CC2D1A: variants seen among roughly 807,000 people sequenced by gnomAD.
CC2D1A encodes coiled-coil and C2 domain containing 1A, also known as coiled-coil and C2 domain-containing protein 1A.
In CC2D1A, 68 loss-of-function variants were observed where a neutral mutation model predicts 123.8. The observed-to-expected ratio is 0.55, with a 90% confidence interval of 0.45 to 0.67. The LOEUF is 0.67. CC2D1A is among the 30% of genes least tolerant of loss of function. The pLI is 0.00. For synonymous variants in CC2D1A, 477 were observed against 528.0 expected (o/e 0.90, Z 1.32); for missense variants, 1,185 against 1,290.3 (o/e 0.92, Z 1.25).
intron 9 of CC2D1A, 39 bp from the exon 10 acceptor site, chr19:13,918,873 A>T (rs1971302355): frequency 6.2e-7 from 1 of 1,608,350 alleles, no homozygotes; most frequent in South Asian, 1.1e-5. Flanking sequence ...CTGTCTACCC[A>T]TCCGTTGACT....
At position 13,919,826 on chromosome 19, in the gene CC2D1A, C is replaced by G. The variant is rs780491820; in HGVS notation, c.1231C>G (p.Pro411Ala). The change falls in exon 12 of 29, where the codon CCA (proline) becomes GCA (alanine). Residue 411 changes from proline to alanine, a missense_variant. Transcript: ENST00000318003. ...CTCGACTGGCCACCCAGGCTTCCCC[C>G]CAATCCAGGGCCTGGAGGCCACCAA... Reference protein sequence around the residue: ...AELPVPPGFPPIQGLEATKPT... With the variant: ...AELPVPPGFPAIQGLEATKPT... 1 of 1,602,346 alleles carries G rather than the reference C, an allele frequency of 6.2e-7. No individual in the cohort carries two copies. Among genetic ancestry groups the G allele is most frequent in the Non-Finnish European group, 8.5e-7 (1 of 1,172,326 alleles).
At chr19:13,920,432 G>A (rs1971369737) in intron 12 of CC2D1A, 125 bp from the exon 13 acceptor site, 2 of 691,558 alleles carry the variant, frequency 2.9e-6, no homozygotes, top group African/African-American at 1.8e-5. Flanking sequence ...AGTGAGGCAG[G>A]GGAGTAGCAA....
At chr19:13,915,391 G>A (rs1166763128) in intron 6 of CC2D1A, among the ~76,000 whole-genome samples, 2 of 152,026 alleles carry the variant, frequency 1.3e-5, no homozygotes, top group African/African-American at 2.4e-5. Context: ...GATTACAAGC[G>A]CCCACCACCA....
chr19:13,916,955 GTAAC>G (rs1971228209), intron 6 of CC2D1A, among the ~76,000 whole-genome samples: 1 of 152,158 alleles, frequency 6.6e-6, no homozygotes, highest in South Asian at 2.1e-4. Context: ...ATTTGAAACT[GTAAC>G]TAACACACTG....
Position 13,923,878 on chromosome 19 carries a change from G to A in CC2D1A, c.1940+67G>A. 1.7e-6 allele frequency: 2 copies of A among 1,188,546 alleles called. No homozygotes were observed. The highest frequency in any genetic ancestry group is 2.5e-6 in the Non-Finnish European group (2 of 799,666). 73.6% of individuals were successfully genotyped at this position (1,188,546 alleles called of 1,614,324 possible). A position where few individuals can be genotyped will look rare whatever the true frequency, so the allele number is the denominator to read the frequency against. ...CCCTTTGGTGGCGGTGGGGCGGGTT[G>A]TGCTCCCCAGAAGCTGGCACAAGAT... is the stretch of plus-strand genomic sequence containing the variant. On this transcript the variant is annotated intron_variant, in intron 17 of 28. Transcript: ENST00000318003. This position sits in a 1 kb window ranked among gnomAD's most constrained non-coding sequence, Gnocchi z 5.3.
intron 4 of CC2D1A, 36 bp downstream of exon 4, chr19:13,912,629 A>G (rs1396549301): frequency 1.2e-6 from 2 of 1,605,440 alleles, no homozygotes; most frequent in Non-Finnish European, 1.7e-6. Context: ...TTGAACCACA[A>G]CCCAACGGAC....
At position 13,920,484 on chromosome 19, in the gene CC2D1A, G is replaced by A. The variant is rs117127097; in HGVS notation, c.1357-73G>A. 3,791 of 910,634 alleles carry A rather than the reference G, an allele frequency of 4.2e-3. 17 individuals carry two copies. The highest frequency in any genetic ancestry group is 6.0e-3 in the Middle Eastern group (28 of 4,688). 56.4% of individuals were successfully genotyped at this position (910,634 alleles called of 1,614,324 possible). ...TAAATGACCACTGTTGTCACCATCA[G>A]ACCCTGATCCTTGGGGACTGGACTC... On this transcript the variant is annotated intron_variant, in intron 12 of 28. Coordinates refer to ENST00000318003, the MANE Select transcript of CC2D1A (RefSeq NM_017721.5).
intron 14 of CC2D1A, among the ~76,000 whole-genome samples, chr19:13,922,333 A>G (rs1025152818): frequency 6.6e-6 from 1 of 150,576 alleles, no homozygotes; most frequent in African/African-American, 2.4e-5. Context: ...CCCCTCGCTC[A>G]CTCTTCCCCT....
Position 13,920,576 on chromosome 19 carries a change from C to T in CC2D1A, c.1376C>T (p.Pro459Leu). Residue 459 changes from proline (P) to leucine (L), a missense_variant, in exon 13 of 29, where the codon CCC (proline) becomes CTC (leucine). Physicochemically the swap from Pro to Leu is moderately conservative, Grantham distance 98 (BLOSUM62 -3). Transcript: ENST00000318003. ...VPKKQNSPVA[P>L]TAQPKAPPSR... ...CTACAGCAGAACAGCCCTGTGGCCCCCACAGCCCAGCCCAAAGCCCCACCC... is the reference window on the plus strand; with the variant it reads ...CTACAGCAGAACAGCCCTGTGGCCCTCACAGCCCAGCCCAAAGCCCCACCC... 2 of 1,604,356 alleles carry T rather than the reference C, an allele frequency of 1.2e-6. No individual in the cohort carries two copies. Among genetic ancestry groups the T allele is most frequent in the Non-Finnish European group, 1.7e-6 (2 of 1,173,338 alleles).
At chr19:13,912,676 G>A in intron 4 of CC2D1A, 83 bp downstream of exon 4, 1 of 1,400,036 alleles carries the variant, frequency 7.1e-7, no homozygotes, top group East Asian at 2.3e-5. Context: ...TTTATGAGAT[G>A]GAGTCTTGCT....
chr19:13,927,687 A>T, intron 22 of CC2D1A: 1 of 591,420 alleles, frequency 1.7e-6, no homozygotes, highest in Non-Finnish European at 3.0e-6. Context: ...CTGAGGCAGG[A>T]GAATGGCGTA....
rs1362813087 is a variant in CC2D1A at position 13,920,660 on chromosome 19, C to T, written c.1460C>T (p.Ser487Phe). The T allele has an allele frequency of 1.2e-6, 2 of 1,609,348 alleles. No homozygotes were observed. ...GCCAAAGCGCCCCCCAAAGCCACAT[C>T]CACCAGAGGTAAGTTCCCCCTCCCC... ...PTAKAPPKAT[S>F]TRAQQQLAFL... is the part of the protein sequence containing the mutation. Residue 487 changes from serine (S) to phenylalanine (F), a missense_variant, in exon 13 of 29, where the codon TCC (serine) becomes TTC (phenylalanine). Coordinates refer to ENST00000318003, the MANE Select transcript of CC2D1A (RefSeq NM_017721.5).
chr19:13,928,223 AC>A (rs770692219), intron 24 of CC2D1A, 35 bp downstream of exon 24: 1 of 1,582,100 alleles, frequency 6.3e-7, no homozygotes, highest in South Asian at 1.1e-5. Context: ...TGGAGAAAAC[AC>A]CCAATTCCCC....
intron 2 of CC2D1A, among the ~76,000 whole-genome samples, chr19:13,910,555 C>T (rs959512074): frequency 1.3e-5 from 2 of 151,878 alleles, no homozygotes; most frequent in Admixed American, 1.3e-4. Flanking sequence ...GGAATAATAA[C>T]CATGTTATAG....
At chr19:13,911,429 A>T (rs1202051730) in intron 2 of CC2D1A, among the ~76,000 whole-genome samples, 1 of 152,166 alleles carries the variant, frequency 6.6e-6, no homozygotes, top group Admixed American at 6.6e-5. Flanking sequence ...AACTGTTGTC[A>T]TCCCCGTGTC....
chr19:13,908,044 G>GC lies in CC2D1A; in HGVS notation c.60+1547dup, dbSNP rs1970851258. ...TTTTGAGACAGAGTCTTGCTCTCTC[G>GC]CCCCAGGCTGGAGTGCAGTGGCGCA... On this transcript the variant is annotated intron_variant, in intron 1 of 28. Transcript: ENST00000318003. Among the ~76,000 whole-genome samples the GC allele has an allele frequency of 9.2e-5, 14 of 152,118 alleles. No individual in the cohort carries two copies. In the South Asian group the frequency reaches 2.9e-3, roughly 32 times the overall value.
At chr19:13,909,744 G>A (rs1407524864) in intron 1 of CC2D1A, 79 bp from the exon 2 acceptor site, 5 of 1,581,604 alleles carry the variant, frequency 3.2e-6, no homozygotes, top group Non-Finnish European at 4.3e-6. Flanking sequence ...TTCCTCCCAA[G>A]GGGACTCTCT....
intron 12 of CC2D1A, chr19:13,920,234 G>C (rs1188003034): frequency 3.9e-6 from 2 of 515,268 alleles, no homozygotes; most frequent in Non-Finnish European, 6.8e-6. Flanking sequence ...CTGGGTGACA[G>C]AGCAAGACCT....
Position 13,912,543 on chromosome 19 carries a change from G to GT in CC2D1A, c.329dup (p.Leu111ProfsTer20). The GT allele has an allele frequency of 6.2e-7, 1 of 1,614,116 alleles. No individual in the cohort carries two copies. Among genetic ancestry groups the GT allele is most frequent in the Non-Finnish European group, 8.5e-7 (1 of 1,180,024 alleles). ...GTCCCTGCAGGCGGAGCTAAATGAG[G>GT]TCCTTGGAGAGGAGCAGAAGGCTTC... On this transcript the variant is annotated frameshift_variant, in exon 4 of 29. Transcript: ENST00000318003. LOFTEE classifies it high-confidence loss of function.
Sources: allele counts gnomAD v4.1 joint callset (sites outside exome capture counted in the v4.1 genomes callset), GRCh38; gene constraint gnomAD v4.1.1; non-coding constraint Gnocchi (gnomAD v3.1); transcripts MANE v1.5; gene names NCBI Gene and HGNC (gene_info 2026-07-23, HGNC 2026-07-21).